Variants in DLG5 observed in about 807,000 individuals in gnomAD.
The protein encoded by DLG5 is discs large MAGUK scaffold protein 5.
DLG5 carries 48 observed loss-of-function variants against 189.8 expected under a neutral mutation model. That is an observed-to-expected ratio of 0.25 (90% confidence interval 0.20 to 0.32). DLG5 has a LOEUF of 0.32. Ranked by LOEUF, DLG5 falls within the 10% of genes least tolerant of loss-of-function variation. The probability of loss-of-function intolerance (pLI) is 1.00; values close to 1 mark genes in which losing one functional copy is unlikely to be tolerated. For synonymous variants in DLG5, 1,016 were observed against 1,054.1 expected, an observed-to-expected ratio of 0.96 and a Z score of 0.70; for missense variants, 2,160 against 2,544.7, an observed-to-expected ratio of 0.85 and a Z score of 3.25.
intron 1 of DLG5, among the ~76,000 whole-genome samples, chr10:77,898,115 G>C (rs1382149394): frequency 6.6e-6 from 1 of 152,186 alleles, no homozygotes; most frequent in Non-Finnish European, 1.5e-5. Flanking sequence ...TTCCTCCCAG[G>C]AGCCAGAACA....
At chr10:77,856,055 T>A (rs1844212881) in intron 3 of DLG5, among the ~76,000 whole-genome samples, 1 of 151,960 alleles carries the variant, frequency 6.6e-6, no homozygotes, top group Non-Finnish European at 1.5e-5. Context: ...TTAAAACACA[T>A]CATGTGGGGC....
At chr10:77,846,140 G>A (rs1003775285) in intron 5 of DLG5, among the ~76,000 whole-genome samples, 20 of 152,274 alleles carry the variant, frequency 1.3e-4, no homozygotes, top group African/African-American at 4.6e-4. Context: ...AGCTACTCGG[G>A]AGGCTGAGGC....
intron 8 of DLG5, 40 bp downstream of exon 8, chr10:77,835,698 G>A (rs771626831): frequency 4.6e-5 from 72 of 1,571,624 alleles, no homozygotes; most frequent in Non-Finnish European, 5.6e-5. Flanking sequence ...CCTCATCCTG[G>A]GGAGACGCAA....
At chr10:77,910,478 G>A (rs1338175498) in intron 1 of DLG5, among the ~76,000 whole-genome samples, 1 of 152,180 alleles carries the variant, frequency 6.6e-6, no homozygotes, top group Non-Finnish European at 1.5e-5. Flanking sequence ...TGTAAAGGCT[G>A]GTGCCCACAA....
chr10:77,868,087 C>A (rs898237433), intron 2 of DLG5: 2 of 456,374 alleles, frequency 4.4e-6, no homozygotes, highest in Admixed American at 2.3e-5. Context: ...CTTCAGCCTG[C>A]GTGGCCTCAC....
chr10:77,805,517 C>G (rs1841422311), intron 27 of DLG5, 148 bp downstream of exon 27: 1 of 842,678 alleles, frequency 1.2e-6, no homozygotes, highest in African/African-American at 1.7e-5. Flanking sequence ...GATGGCAGCA[C>G]CCCCCGACCA....
Position 77,792,542 on chromosome 10 carries a change from C to A in DLG5, c.5658G>T (p.Gly1886=), listed in dbSNP as rs139909783. ...LEQEYSRYFT[G]VIQGGALSSI... is the part of the protein sequence containing the mutation. ...TTGACAGGGCTCCTCCCTGGATGACCCCTGCAAAAGAGCCCCCCAGACACG... is the reference window on the plus strand; with the variant it reads ...TTGACAGGGCTCCTCCCTGGATGACACCTGCAAAAGAGCCCCCCAGACACG... The change falls in exon 32 of 32, where the codon GGG becomes GGT. Residue 1886 remains glycine (G), a splice_region_variant and synonymous_variant. Coordinates refer to ENST00000372391, the MANE Select transcript of DLG5 (RefSeq NM_004747.4). 7 of 1,613,956 alleles carry A rather than the reference C, an allele frequency of 4.3e-6. No individual in the cohort carries two copies. The African/African-American group carries it at 8.0e-5, about 18-fold the overall frequency.
chr10:77,918,614 T>C (rs1846440054), intron 1 of DLG5, among the ~76,000 whole-genome samples: 1 of 152,174 alleles, frequency 6.6e-6, no homozygotes, highest in Non-Finnish European at 1.5e-5. Flanking sequence ...AAAATGTTTC[T>C]GTAGCACTTT....
chr10:77,882,061 G>A (rs1168125403), intron 1 of DLG5, among the ~76,000 whole-genome samples: 1 of 152,192 alleles, frequency 6.6e-6, no homozygotes, highest in African/African-American at 2.4e-5. Flanking sequence ...GACCACCAAG[G>A]CAACTCAGCC....
chr10:77,875,202 C>T (rs1235959328), intron 1 of DLG5, among the ~76,000 whole-genome samples: 2 of 152,218 alleles, frequency 1.3e-5, no homozygotes, highest in Non-Finnish European at 1.5e-5. Flanking sequence ...ACACACAATA[C>T]TGCTGCCCGG....
intron 20 of DLG5, 116 bp from the exon 21 acceptor site, chr10:77,812,493 T>A (rs1054165809): frequency 4.9e-6 from 6 of 1,218,936 alleles, no homozygotes; most frequent in Non-Finnish European, 5.6e-6. Context: ...CGAGCCTGGA[T>A]GCTCCCATTG....
chr10:77,821,901 T>TG lies in DLG5; in HGVS notation c.2582dup (p.Gly862ArgfsTer9). ...TATGCAGAAAGGAGCTGCTGCCTCC[T>TG]GGGGGGCCTGGCTCCTTCCTGTCTT... On this transcript the variant is annotated frameshift_variant, in exon 15 of 32. Coordinates refer to ENST00000372391, the MANE Select transcript of DLG5 (RefSeq NM_004747.4). LOFTEE classifies it high-confidence loss of function. 6.2e-7 allele frequency: 1 copy of TG among 1,614,196 alleles called. No homozygotes were observed. Among genetic ancestry groups the TG allele is most frequent in the Non-Finnish European group, 8.5e-7 (1 of 1,180,024 alleles).
intron 5 of DLG5, among the ~76,000 whole-genome samples, chr10:77,847,217 G>C (rs992139660): frequency 6.6e-6 from 1 of 152,078 alleles, no homozygotes; most frequent in African/African-American, 2.4e-5. Context: ...TAGGATCCTC[G>C]GGTCAGAAGA....
At chr10:77,834,140 C>T (rs546312967) in intron 8 of DLG5, 101 bp from the exon 9 acceptor site, 47 of 1,453,694 alleles carry the variant, frequency 3.2e-5, no homozygotes, top group Middle Eastern at 1.8e-4. Flanking sequence ...AAATACCTGC[C>T]GGCACCTATC....
intron 5 of DLG5, among the ~76,000 whole-genome samples, chr10:77,851,055 G>A (rs1378316468): frequency 2.0e-5 from 3 of 152,182 alleles, no homozygotes; most frequent in South Asian, 2.1e-4. Flanking sequence ...GGTAAAGGCC[G>A]GGAGAGGCCG....
chr10:77,932,152 C>T, the DLG5 span, among the ~76,000 whole-genome samples: 2 of 152,168 alleles, frequency 1.3e-5, no homozygotes, highest in Non-Finnish European at 1.5e-5. Context: ...GTGCTGAATC[C>T]GTGGTAAGTA....
At chr10:77,897,084 G>C (rs2154577768) in intron 1 of DLG5, among the ~76,000 whole-genome samples, 1 of 152,132 alleles carries the variant, frequency 6.6e-6, no homozygotes, top group East Asian at 1.9e-4. Context: ...AGCCAGGCAT[G>C]GTGGCTCACA....
At chr10:77,890,226 C>A (rs1845565963) in intron 1 of DLG5, among the ~76,000 whole-genome samples, 1 of 152,184 alleles carries the variant, frequency 6.6e-6, no homozygotes, top group Non-Finnish European at 1.5e-5. Context: ...GAGGGATGCC[C>A]CTGCCAACAC....
chr10:77,921,614 C>A (rs1436977926), intron 1 of DLG5, among the ~76,000 whole-genome samples: 1 of 152,210 alleles, frequency 6.6e-6, no homozygotes, highest in Non-Finnish European at 1.5e-5. Context: ...AAACACATGG[C>A]TCCTCTCTAT....
Sources: gnomAD v4.1 joint callset for allele counts (sites outside exome capture counted in the v4.1 genomes callset) on GRCh38, gnomAD v4.1.1 for gene constraint, MANE v1.5 for transcripts, NCBI Gene and HGNC (gene_info 2026-07-23, HGNC 2026-07-21) for gene names.